PREP: variants seen among roughly 807,000 people sequenced by gnomAD.
The protein encoded by PREP is prolyl endopeptidase.
A neutral mutation model predicts 87.6 loss-of-function variants in PREP; 29 were observed. The observed-to-expected ratio is 0.33, with a 90% CI of 0.25 to 0.45. PREP has a LOEUF of 0.45. Among genes scored for constraint, PREP ranks in the 20% least tolerant of loss-of-function variants. The pLI is 1.00. For synonymous variants in PREP, 337 were observed against 328.6 expected (o/e 1.03, Z -0.28); for missense variants, 695 against 886.5 (o/e 0.78, Z 2.74).
intron 7 of PREP, among the ~76,000 whole-genome samples, chr6:105,351,016 C>A (rs1343290620): frequency 2.0e-5 from 3 of 152,180 alleles, no homozygotes; most frequent in African/African-American, 4.8e-5. Context: ...ATCAGTAAAG[C>A]CCTAACACTG....
At chr6:105,299,333 T>G in intron 10 of PREP, among the ~76,000 whole-genome samples, 1 of 152,238 alleles carries the variant, frequency 6.6e-6, no homozygotes, top group Non-Finnish European at 1.5e-5. Flanking sequence ...GTACAGTGGC[T>G]CATGCCTGCA....
chr6:105,368,070 C>G (rs142063722), intron 6 of PREP, among the ~76,000 whole-genome samples: 1 of 152,314 alleles, frequency 6.6e-6, no homozygotes, highest in African/African-American at 2.4e-5. Flanking sequence ...ACGAAGCAGA[C>G]AGAGGAACGT....
At chr6:105,342,256 T>C (rs1771676798) in intron 7 of PREP, among the ~76,000 whole-genome samples, 1 of 152,052 alleles carries the variant, frequency 6.6e-6, no homozygotes, top group African/African-American at 2.4e-5. Context: ...ACGTAATCCA[T>C]CATATAAACA....
intron 10 of PREP, among the ~76,000 whole-genome samples, chr6:105,317,584 C>A (rs1490321470): frequency 6.6e-6 from 1 of 152,140 alleles, no homozygotes; most frequent in Non-Finnish European, 1.5e-5. Flanking sequence ...AAATTAGGGA[C>A]CTGATTACCT....
intron 6 of PREP, among the ~76,000 whole-genome samples, chr6:105,356,974 C>G (rs1485535045): frequency 2.0e-5 from 3 of 152,162 alleles, no homozygotes; most frequent in East Asian, 3.9e-4. Context: ...AATTTTGAAC[C>G]TTTTATTTAT....
At chr6:105,281,687 G>A (rs1284596828) in intron 14 of PREP, 59 bp downstream of exon 14, 2 of 1,562,848 alleles carry the variant, frequency 1.3e-6, no homozygotes, top group Non-Finnish European at 1.7e-6. Flanking sequence ...ATCCTGCTGT[G>A]ACTGTGTTCA....
chr6:105,390,789 A>T (rs1309226792), intron 2 of PREP, among the ~76,000 whole-genome samples: 1 of 152,184 alleles, frequency 6.6e-6, no homozygotes, highest in African/African-American at 2.4e-5. Context: ...GAAGGGGAGC[A>T]AATTATGCAA....
intron 6 of PREP, among the ~76,000 whole-genome samples, chr6:105,360,234 A>G (rs1197055786): frequency 1.3e-5 from 2 of 152,194 alleles, no homozygotes; most frequent in Non-Finnish European, 2.9e-5. Context: ...TGAGTCAGCT[A>G]ATCTGTGAAC....
intron 6 of PREP, among the ~76,000 whole-genome samples, chr6:105,361,978 A>G (rs979731386): frequency 6.6e-6 from 1 of 152,220 alleles, no homozygotes; most frequent in Non-Finnish European, 1.5e-5. Context: ...CAGCAATAGA[A>G]GAAAAAAAGA....
chr6:105,395,364 G>C (rs1434096761), intron 2 of PREP, among the ~76,000 whole-genome samples: 1 of 151,950 alleles, frequency 6.6e-6, no homozygotes, highest in Non-Finnish European at 1.5e-5. Context: ...TCGTCTACCT[G>C]GGTTACCCTT....
Position 105,275,446 on chromosome 6 carries a change from C to T in PREP, c.*2698G>A, listed in dbSNP as rs931513692. Among the ~76,000 whole-genome samples the T allele has an allele frequency of 2.6e-5, 4 of 152,158 alleles. No homozygotes were observed. The highest frequency in any genetic ancestry group is 9.7e-5 in the African/African-American group (4 of 41,450). On this transcript the variant is annotated 3_prime_UTR_variant, in exon 15 of 15. Coordinates refer to ENST00000652536, the MANE Select transcript of PREP (RefSeq NM_002726.5). Reference sequence around the variant, plus strand: ...CTTTATCTTGCTAAGGTAACAAATGCTCTGGTGTGCTTAGCAGGGCCTTGT... The same window carrying T: ...CTTTATCTTGCTAAGGTAACAAATGTTCTGGTGTGCTTAGCAGGGCCTTGT...
At chr6:105,397,504 T>A (rs1034763298) in intron 2 of PREP, among the ~76,000 whole-genome samples, 1 of 152,176 alleles carries the variant, frequency 6.6e-6, no homozygotes, top group Non-Finnish European at 1.5e-5. Context: ...TGGAAAAAAA[T>A]ATTTAGGCAA....
intron 2 of PREP, among the ~76,000 whole-genome samples, chr6:105,379,082 G>A (rs7753609): frequency 0.25 from 37,903 of 152,142 alleles, 7,063 homozygotes; most frequent in African/African-American, 0.53. Context: ...AAGAGGACCA[G>A]TTCAAGAAAA....
At chr6:105,341,944 C>A (rs1277821730) in intron 7 of PREP, among the ~76,000 whole-genome samples, 1 of 152,194 alleles carries the variant, frequency 6.6e-6, no homozygotes, top group Non-Finnish European at 1.5e-5. Flanking sequence ...CAGCTGAATT[C>A]TACCAGAGGT....
intron 2 of PREP, among the ~76,000 whole-genome samples, chr6:105,385,204 T>G (rs1287414541): frequency 6.6e-6 from 1 of 150,636 alleles, no homozygotes. Context: ...AATAAAAAAT[T>G]TTAAAATAAC....
intron 14 of PREP, among the ~76,000 whole-genome samples, chr6:105,280,204 G>A (rs961414004): frequency 6.6e-6 from 1 of 152,158 alleles, no homozygotes; most frequent in African/African-American, 2.4e-5. Flanking sequence ...GCTGAAGCAT[G>A]AGAACTGAGA....
intron 8 of PREP, among the ~76,000 whole-genome samples, chr6:105,332,216 G>A (rs927291964): frequency 9.2e-5 from 14 of 152,058 alleles, no homozygotes; most frequent in African/African-American, 3.4e-4. Context: ...CAAGGGACCT[G>A]CAGAAAAAAG....
intron 4 of PREP, among the ~76,000 whole-genome samples, chr6:105,373,999 A>T (rs1054623047): frequency 3.3e-5 from 5 of 152,228 alleles, no homozygotes; most frequent in African/African-American, 1.2e-4. Flanking sequence ...ACCATATAAT[A>T]GAACTAAATT....
chr6:105,391,359 G>A (rs1219340464), intron 2 of PREP, among the ~76,000 whole-genome samples: 2 of 152,108 alleles, frequency 1.3e-5, no homozygotes, highest in Non-Finnish European at 2.9e-5. Context: ...TCCAGCCTAG[G>A]TGATGGAATG....
Sources: allele counts gnomAD v4.1 joint callset (sites outside exome capture counted in the v4.1 genomes callset), GRCh38; gene constraint gnomAD v4.1.1; transcripts MANE v1.5; gene names NCBI Gene and HGNC (gene_info 2026-07-23, HGNC 2026-07-21).